Variants in WDR7 observed in about 807,000 individuals in gnomAD.
WDR7 encodes WD repeat-containing protein 7.
Under a neutral mutation model 169.4 loss-of-function variants are expected in WDR7, and 46 were observed. The observed-to-expected ratio is 0.27, with a 90% CI of 0.21 to 0.35. The LOEUF is 0.35. Ranked by LOEUF, WDR7 falls within the 10% of genes least tolerant of loss-of-function variation. The pLI is 1.00. For missense variants in WDR7, 1,534 were observed against 1,859.3 expected (o/e 0.83, Z 3.22); for synonymous variants, 612 against 666.8 (o/e 0.92, Z 1.27).
intron 20 of WDR7, among the ~76,000 whole-genome samples, chr18:56,858,474 A>G (rs2045755398): frequency 6.6e-6 from 1 of 152,058 alleles, no homozygotes; most frequent in South Asian, 2.1e-4. Context: ...TTTTATTTTA[A>G]GATTTTTATC....
chr18:56,888,067 T>C (rs947967418), intron 21 of WDR7, among the ~76,000 whole-genome samples: 1 of 152,220 alleles, frequency 6.6e-6, no homozygotes, highest in South Asian at 2.1e-4. Flanking sequence ...TAATTGCTAA[T>C]GTAGTTAGAG....
At chr18:56,944,763 T>C (rs545105678) in intron 25 of WDR7, among the ~76,000 whole-genome samples, 1 of 152,350 alleles carries the variant, frequency 6.6e-6, no homozygotes, top group East Asian at 1.9e-4. Context: ...CTTGTTGATA[T>C]TAAAACATGG....
intron 14 of WDR7, among the ~76,000 whole-genome samples, chr18:56,733,207 C>T (rs1048853982): frequency 6.6e-6 from 1 of 152,008 alleles, no homozygotes; most frequent in African/African-American, 2.4e-5. Flanking sequence ...GTTGCCTGGC[C>T]TACAAGGAAA....
chr18:56,948,893 C>T (rs1412663127), intron 25 of WDR7, among the ~76,000 whole-genome samples: 1 of 152,156 alleles, frequency 6.6e-6, no homozygotes, highest in Non-Finnish European at 1.5e-5. Flanking sequence ...GAGTTCCAAG[C>T]CCAGGCCTCT....
chr18:56,710,786 A>G (rs2026069902), intron 12 of WDR7, among the ~76,000 whole-genome samples: 1 of 152,174 alleles, frequency 6.6e-6, no homozygotes, highest in Non-Finnish European at 1.5e-5. Context: ...CTACATCTTT[A>G]AAAATGGAAA....
rs117496727 is a variant in WDR7, at chr18:56,814,100, G to A, written c.3191-1931G>A. On this transcript the variant is annotated intron_variant, in intron 19 of 27. Transcript: ENST00000254442. ...TGAAGTTTGAAATCAAAAGACCTAC[G>A]TCTCAATTCTGGTTCCTGAATTTAG... is the stretch of plus-strand genomic sequence containing the variant. 3.4e-3 allele frequency among the ~76,000 whole-genome samples: 517 copies of A among 152,198 alleles called. 1 individual carries two copies. Among genetic ancestry groups the A allele is most frequent in the Non-Finnish European group, 5.0e-3 (342 of 68,018 alleles).
intron 14 of WDR7, among the ~76,000 whole-genome samples, chr18:56,738,094 A>G (rs2026739780): frequency 6.6e-6 from 1 of 152,196 alleles, no homozygotes; most frequent in Non-Finnish European, 1.5e-5. Context: ...CAGTCTTAAG[A>G]AAACAAAGGA....
chr18:56,786,483 C>T (rs1338268164), intron 19 of WDR7, among the ~76,000 whole-genome samples: 2 of 151,318 alleles, frequency 1.3e-5, no homozygotes, highest in Admixed American at 6.6e-5. Context: ...GAGCCAAGAT[C>T]GCGCCACTGC....
At chr18:56,663,497 G>A (rs1398032904) in intron 1 of WDR7, among the ~76,000 whole-genome samples, 1 of 152,062 alleles carries the variant, frequency 6.6e-6, no homozygotes, top group Non-Finnish European at 1.5e-5. Flanking sequence ...GTCTTTAAAA[G>A]CATTTAGGGG....
intron 12 of WDR7, among the ~76,000 whole-genome samples, chr18:56,709,930 G>C (rs919357219): frequency 1.3e-5 from 2 of 150,808 alleles, no homozygotes; most frequent in African/African-American, 4.9e-5. Flanking sequence ...TGAAAGTAGA[G>C]ATAACTAAGA....
At chr18:56,754,633 C>T (rs1164045330) in intron 14 of WDR7, among the ~76,000 whole-genome samples, 1 of 151,910 alleles carries the variant, frequency 6.6e-6, no homozygotes, top group Non-Finnish European at 1.5e-5. Flanking sequence ...GTTAGATGTG[C>T]CCAGAAAAGA....
At chr18:56,955,418 C>A (rs1486817153) in intron 25 of WDR7, among the ~76,000 whole-genome samples, 1 of 151,974 alleles carries the variant, frequency 6.6e-6, no homozygotes, top group Non-Finnish European at 1.5e-5. Context: ...TGTTTCAGAC[C>A]AAATCCCTAT....
intron 26 of WDR7, among the ~76,000 whole-genome samples, chr18:56,962,830 C>T (rs1490700875): frequency 6.6e-6 from 1 of 151,910 alleles, no homozygotes; most frequent in Non-Finnish European, 1.5e-5. Flanking sequence ...TTATTTTTGC[C>T]ATGTGTTTTC....
Position 56,751,141 on chromosome 18 carries a change from C to G in WDR7, c.1990-5442C>G, listed in dbSNP as rs1304450060. Among the ~76,000 whole-genome samples the G allele has an allele frequency of 3.3e-5, 5 of 152,064 alleles. No homozygotes were observed. The South Asian group carries it at 8.3e-4, about 25-fold the overall frequency. On this transcript the variant is annotated intron_variant, in intron 14 of 27. Coordinates refer to ENST00000254442, the MANE Select transcript of WDR7 (RefSeq NM_015285.3). ...GACACAATCAGTGCACTAAGAAGCT[C>G]TAATAAGAGGAATCACACGAAATTG... is the stretch of plus-strand genomic sequence containing the variant.
chr18:56,725,804 T>G (rs992617133), intron 13 of WDR7, among the ~76,000 whole-genome samples: 7 of 152,226 alleles, frequency 4.6e-5, no homozygotes, highest in African/African-American at 1.7e-4. Flanking sequence ...CATTTAAGTC[T>G]TTAATCCATC....
chr18:56,729,398 A>G (rs1352214361), intron 13 of WDR7, among the ~76,000 whole-genome samples: 1 of 152,174 alleles, frequency 6.6e-6, no homozygotes, highest in African/African-American at 2.4e-5. Flanking sequence ...TCAACCATGT[A>G]AATATATCCT....
chr18:56,656,764 T>C (rs1436107087), intron 1 of WDR7, among the ~76,000 whole-genome samples: 1 of 152,154 alleles, frequency 6.6e-6, no homozygotes, highest in East Asian at 1.9e-4. Flanking sequence ...ATTTTAGAGT[T>C]AGTTTGAGTT....
At chr18:57,010,104 GAGGAACTCCATGTGGAAGC>G in intron 26 of WDR7, 1 of 985,468 alleles carries the variant, frequency 1.0e-6, no homozygotes, top group East Asian at 1.1e-4. Flanking sequence ...TCATGCTGCT[GAGGAACTCCATGTGGAAGC>G]AGGAGGGGAG....
At chr18:56,683,383 A>C (rs922671726) in intron 5 of WDR7, among the ~76,000 whole-genome samples, 1 of 152,238 alleles carries the variant, frequency 6.6e-6, no homozygotes, top group Non-Finnish European at 1.5e-5. Context: ...CAACCATAAA[A>C]GCAAAAGTAA....
Sources: allele counts gnomAD v4.1 joint callset (sites outside exome capture counted in the v4.1 genomes callset), GRCh38; gene constraint gnomAD v4.1.1; transcripts MANE v1.5; gene names NCBI Gene and HGNC (gene_info 2026-07-23, HGNC 2026-07-21).